Variants in NFATC1 observed in about 807,000 individuals in gnomAD.
The protein encoded by NFATC1 is nuclear factor of activated T cells 1.
A neutral mutation model predicts 76.0 loss-of-function variants in NFATC1; 22 were observed. The observed-to-expected ratio is 0.29, with a 90% CI of 0.21 to 0.41. The LOEUF is 0.41. Among genes scored for constraint, NFATC1 ranks in the 10% least tolerant of loss-of-function variants. The pLI, the probability that NFATC1 is intolerant of heterozygous loss-of-function variation, is 1.00. For missense variants in NFATC1, 1,357 were observed against 1,337.7 expected (o/e 1.01, Z -0.23); for synonymous variants, 704 against 613.1 (o/e 1.15, Z -2.19).
chr18:79,489,023 G>T (rs1296331588), intron 9 of NFATC1, among the ~76,000 whole-genome samples: 1 of 152,214 alleles, frequency 6.6e-6, no homozygotes, highest in Non-Finnish European at 1.5e-5. Flanking sequence ...AGCAGGCAGG[G>T]GACTGTTGAC....
rs1222224258 is a variant in NFATC1, at chr18:79,451,046, G to A, written c.1682G>A (p.Arg561Gln). 2.5e-6 allele frequency: 4 copies of A among 1,613,506 alleles called. No individual in the cohort carries two copies. Among genetic ancestry groups the A allele is most frequent in the Non-Finnish European group, 3.4e-6 (4 of 1,180,016 alleles). Residue 561 changes from arginine (R) to glutamine (Q), a missense_variant, in exon 5 of 10, where the codon CGG (arginine) becomes CAG (glutamine). This residue lies in a region of NFATC1 where 242 missense variants were observed against 329.2 expected (regional missense o/e 0.74). Transcript: ENST00000427363. ...ATCGGGAGGAAGAACACACGGGTAC[G>A]GCTGGTGTTCCGCGTTCACGTCCCG... ...TDIGRKNTRV[R>Q]LVFRVHVPQP...
intron 6 of NFATC1, among the ~76,000 whole-genome samples, chr18:79,454,437 C>G (rs550745227): frequency 6.6e-6 from 1 of 152,178 alleles, no homozygotes; most frequent in Non-Finnish European, 1.5e-5. Context: ...CTGGGAGAAG[C>G]TGGTGTTGGC....
In NFATC1 at chr18:79,403,524, C is replaced by T. The variant is rs374549920; in HGVS notation, c.128-6879C>T. On this transcript the variant is annotated intron_variant, in intron 1 of 9. Transcript: ENST00000427363. ...TGGGAGGCGGGCGTGCCCTGCTTCC[C>T]GCCCCAGGGCTCCTGTTTTCTAAGT... Among the ~76,000 whole-genome samples the T allele has an allele frequency of 5.2e-4, 79 of 152,358 alleles. 2 individuals carry two copies. The East Asian group carries it at 0.013, about 25-fold the overall frequency.
Position 79,407,193 on chromosome 18 carries a change from A to T in NFATC1, c.128-3210A>T, listed in dbSNP as rs569199436. Among the ~76,000 whole-genome samples the T allele has an allele frequency of 2.6e-5, 4 of 152,322 alleles. No individual in the cohort carries two copies. The East Asian group carries it at 5.8e-4, about 22-fold the overall frequency. Reference sequence around the variant, plus strand: ...TTAGAAAGTTGGTCACAGAAGTTTTAGCGTTGGGGCCTGGTGTTTGCCTGA... The same window carrying T: ...TTAGAAAGTTGGTCACAGAAGTTTTTGCGTTGGGGCCTGGTGTTTGCCTGA... On this transcript the variant is annotated intron_variant, in intron 1 of 9. Transcript: ENST00000427363.
intron 8 of NFATC1, among the ~76,000 whole-genome samples, chr18:79,481,755 C>T (rs114936921): frequency 0.018 from 2,693 of 146,512 alleles, 218 homozygotes; most frequent in African/African-American, 0.07. Context: ...CTGAATGTGA[C>T]GTCTGGGGTG....
intron 8 of NFATC1, among the ~76,000 whole-genome samples, chr18:79,475,613 G>A (rs994523559): frequency 1.3e-5 from 2 of 150,640 alleles, no homozygotes; most frequent in South Asian, 2.1e-4. Flanking sequence ...CACTGTCGAC[G>A]TTGTGAGGGA....
intron 9 of NFATC1, among the ~76,000 whole-genome samples, chr18:79,513,092 C>T (rs2090297478): frequency 6.6e-6 from 1 of 152,208 alleles, no homozygotes; most frequent in African/African-American, 2.4e-5. Context: ...GAACGCTCGG[C>T]TCTCAATAAA....
At chr18:79,489,315 G>A (rs1434743544) in intron 9 of NFATC1, among the ~76,000 whole-genome samples, 2 of 152,178 alleles carry the variant, frequency 1.3e-5, no homozygotes, top group South Asian at 2.1e-4. Flanking sequence ...GTGCACAGAC[G>A]ACTCCCTGAC....
At chr18:79,456,400 C>A (rs756368055) in intron 6 of NFATC1, among the ~76,000 whole-genome samples, 1 of 152,226 alleles carries the variant, frequency 6.6e-6, no homozygotes, top group Non-Finnish European at 1.5e-5. Flanking sequence ...TCCGGGCTCA[C>A]CTTCAGGTTC....
At chr18:79,453,880 C>T (rs2087578859) in intron 6 of NFATC1, among the ~76,000 whole-genome samples, 1 of 152,226 alleles carries the variant, frequency 6.6e-6, no homozygotes, top group Non-Finnish European at 1.5e-5. Flanking sequence ...AATTTTCTTC[C>T]TCCACTTCCG....
intron 1 of NFATC1, among the ~76,000 whole-genome samples, chr18:79,401,606 G>C (rs915052193): frequency 1.3e-5 from 2 of 152,186 alleles, no homozygotes; most frequent in African/African-American, 4.8e-5. Flanking sequence ...CCCGGCTTGA[G>C]CCAGGACATT....
In NFATC1 at chr18:79,528,983, G is replaced by A. The variant is rs1012071736; in HGVS notation, c.*1406G>A. 1 of 152,594 alleles carries A rather than the reference G, an allele frequency of 6.6e-6. No individual in the cohort carries two copies. Among genetic ancestry groups the A allele is most frequent in the African/African-American group, 2.4e-5 (1 of 41,448 alleles). The allele number at this position is 152,594 out of a possible 1,614,324, so 9.5% of individuals were successfully genotyped here. On this transcript the variant is annotated 3_prime_UTR_variant, in exon 10 of 10. Coordinates refer to ENST00000427363, the MANE Select transcript of NFATC1 (RefSeq NM_001278669.2). ...TGGAACCTGCCTGAATTGCACCTGC[G>A]GGTGGAGGCTCCGGCTGTGAAGTCA...
In NFATC1 at chr18:79,465,202, G is replaced by T. The variant is rs1345580177; in HGVS notation, c.1960-2248G>T. Among the ~76,000 whole-genome samples the T allele has an allele frequency of 1.3e-5, 2 of 151,998 alleles. No homozygotes were observed. Among genetic ancestry groups the T allele is most frequent in the African/African-American group, 2.4e-5 (1 of 41,350 alleles). On this transcript the variant is annotated intron_variant, in intron 7 of 9. Coordinates refer to ENST00000427363, the MANE Select transcript of NFATC1 (RefSeq NM_001278669.2). The surrounding 1 kb of genome is among the most constrained non-coding windows in gnomAD (Gnocchi z 4.2). ...TGTTCTTCCGTGTTTCTTCTTTATCGCTTCCTTCTGTGTGTATTTAAGTGG... is the reference window on the plus strand; with the variant it reads ...TGTTCTTCCGTGTTTCTTCTTTATCTCTTCCTTCTGTGTGTATTTAAGTGG...
At chr18:79,499,440 A>G (rs2089967933) in intron 9 of NFATC1, among the ~76,000 whole-genome samples, 1 of 152,272 alleles carries the variant, frequency 6.6e-6, no homozygotes, top group South Asian at 2.1e-4. Context: ...GTAATGAAGG[A>G]ACATAGAAAC....
At chr18:79,521,887 G>A (rs952585867) in intron 9 of NFATC1, among the ~76,000 whole-genome samples, 43 of 59,886 alleles carry the variant, frequency 7.2e-4, no homozygotes, top group Admixed American at 1.1e-3. Context: ...GTGTGGGGGG[G>A]GCATCCACTG....
chr18:79,427,892 CG>C, intron 2 of NFATC1, among the ~76,000 whole-genome samples: 1 of 4,766 alleles, frequency 2.1e-4, no homozygotes, highest in East Asian at 6.7e-3. Context: ...TGCAGTGAGT[CG>C]GGGAGGGGGG....
chr18:79,405,939 C>A (rs1002019583), intron 1 of NFATC1, among the ~76,000 whole-genome samples: 1 of 152,188 alleles, frequency 6.6e-6, no homozygotes, highest in East Asian at 1.9e-4. Flanking sequence ...CACGCCTGGG[C>A]CCCCGTCACA....
At chr18:79,424,682 CCT>C (rs558049813) in intron 2 of NFATC1, among the ~76,000 whole-genome samples, 21 of 111,944 alleles carry the variant, frequency 1.9e-4, no homozygotes, top group African/African-American at 5.7e-4. Flanking sequence ...TGTCTCTGTC[CCT>C]GTCTCTGTCT....
At chr18:79,439,277 T>C (rs35781075) in intron 3 of NFATC1, among the ~76,000 whole-genome samples, 35 of 152,212 alleles carry the variant, frequency 2.3e-4, no homozygotes, top group Non-Finnish European at 4.4e-4. Flanking sequence ...CATTGTTATC[T>C]GATCAGAGCT....
Sources: allele counts gnomAD v4.1 joint callset (sites outside exome capture counted in the v4.1 genomes callset), GRCh38; gene constraint gnomAD v4.1.1; regional missense constraint gnomAD v4.1.1; non-coding constraint Gnocchi (gnomAD v3.1); transcripts MANE v1.5; gene names NCBI Gene and HGNC (gene_info 2026-07-23, HGNC 2026-07-21).